The following UTRN variants were observed in gnomAD, a reference collection of about 807,000 sequenced individuals.
UTRN encodes dystrophin-related protein 1.
In UTRN, 283 loss-of-function variants were observed where a neutral mutation model predicts 463.9. The observed-to-expected ratio is 0.61, with a 90% CI of 0.55 to 0.67. The LOEUF is 0.67. Among genes scored for constraint, UTRN ranks in the 30% least tolerant of loss-of-function variants. The pLI is 0.00. For synonymous variants in UTRN, 1,442 were observed against 1,431.5 expected, an observed-to-expected ratio of 1.01 and a Z score of -0.17; for missense variants, 3,922 against 4,084.3, an observed-to-expected ratio of 0.96 and a Z score of 1.08.
intron 2 of UTRN, among the ~76,000 whole-genome samples, chr6:144,342,034 T>A (rs948389752): frequency 1.3e-5 from 2 of 152,240 alleles, no homozygotes; most frequent in African/African-American, 4.8e-5. Context: ...CTGTTCTGTA[T>A]TTTGAATATT....
chr6:144,539,332 C>A lies in UTRN; in HGVS notation c.6408C>A (p.Leu2136=). The A allele has an allele frequency of 6.2e-7, 1 of 1,612,650 alleles. No individual in the cohort carries two copies. The highest frequency in any genetic ancestry group is 1.1e-5 in the South Asian group (1 of 90,720). The change falls in exon 45 of 75, where the codon CTC becomes CTA. Residue 2136 remains leucine (L), a synonymous_variant. Coordinates refer to ENST00000367545, the MANE Select transcript of UTRN (RefSeq NM_007124.3). ...AAATGGAAGTACATGCTGAAAAACT[C>A]AAATGGCTGAATAGAACTGAATTGG... ...TQEMEVHAEK[L]KWLNRTELEM...
intron 65 of UTRN, 107 bp downstream of exon 65, chr6:144,803,254 T>G: frequency 1.5e-6 from 1 of 674,282 alleles, no homozygotes; most frequent in Non-Finnish European, 2.1e-6. Context: ...AAAATATCAC[T>G]TTGAAGATTT....
rs145041769 is a variant in UTRN, at chr6:144,459,343, A to G, written c.2696A>G (p.His899Arg). 4.1e-5 allele frequency: 66 copies of G among 1,593,902 alleles called. No individual in the cohort carries two copies. The highest frequency in any genetic ancestry group is 5.1e-5 in the Non-Finnish European group (60 of 1,170,806). The change falls in exon 21 of 75, where the codon CAT becomes CGT. Residue 899 changes from histidine to arginine, a missense_variant. Transcript: ENST00000367545. ...VQEAVEDRQQHLENELKGQPG... is the reference protein window; with the variant it reads ...VQEAVEDRQQRLENELKGQPG... Reference sequence around the variant, plus strand: ...GAGGCTGTAGAGGATCGTCAACAACATCTAGAGAATGGTAAACCCAACAAT... The same window carrying G: ...GAGGCTGTAGAGGATCGTCAACAACGTCTAGAGAATGGTAAACCCAACAAT...
intron 51 of UTRN, among the ~76,000 whole-genome samples, chr6:144,638,021 G>A (rs1054366820): frequency 3.3e-5 from 5 of 152,136 alleles, no homozygotes; most frequent in Non-Finnish European, 4.4e-5. Flanking sequence ...TAGACACTAC[G>A]CTGTATTTGT....
chr6:144,599,748 A>C (rs1038080868), intron 51 of UTRN, among the ~76,000 whole-genome samples: 5 of 152,174 alleles, frequency 3.3e-5, no homozygotes, highest in Admixed American at 3.3e-4. Context: ...AGAAGGGAAT[A>C]TTATTAATGT....
At chr6:144,389,897 C>G (rs1488278061) in intron 2 of UTRN, among the ~76,000 whole-genome samples, 2 of 152,200 alleles carry the variant, frequency 1.3e-5, no homozygotes, top group Non-Finnish European at 2.9e-5. Context: ...CTGTGCCCAG[C>G]CTTTCCTTCA....
chr6:144,344,140 C>G (rs1364288574), intron 2 of UTRN: 1 of 1,265,446 alleles, frequency 7.9e-7, no homozygotes, highest in Admixed American at 2.5e-5. Flanking sequence ...TCCCAGTGTG[C>G]AGTTCGAAGG....
At chr6:144,351,939 A>G (rs1380176383) in intron 2 of UTRN, among the ~76,000 whole-genome samples, 3 of 152,162 alleles carry the variant, frequency 2.0e-5, no homozygotes, top group Non-Finnish European at 4.4e-5. Context: ...CGACACTGCT[A>G]CTTTTCTCCT....
Position 144,592,767 on chromosome 6 carries a change from C to A in UTRN, c.7479+15479C>A, listed in dbSNP as rs539420825. Among the ~76,000 whole-genome samples, 9 of 152,236 alleles carry A rather than the reference C, an allele frequency of 5.9e-5. No homozygotes were observed. The South Asian group carries it at 1.9e-3, about 32-fold the overall frequency. On this transcript the variant is annotated intron_variant, in intron 51 of 74. Coordinates refer to ENST00000367545, the MANE Select transcript of UTRN (RefSeq NM_007124.3). ...GCTTGAATGCCTGATTTCTTGTATC[C>A]TCACAGACAATAGGCAATACCAATT...
intron 51 of UTRN, among the ~76,000 whole-genome samples, chr6:144,578,057 G>T (rs927565801): frequency 3.9e-5 from 6 of 152,154 alleles, no homozygotes; most frequent in Non-Finnish European, 8.8e-5. Flanking sequence ...ACAAAAATTA[G>T]TCGGGCGTGG....
intron 51 of UTRN, among the ~76,000 whole-genome samples, chr6:144,658,855 G>C (rs933667366): frequency 1.3e-5 from 2 of 152,168 alleles, no homozygotes; most frequent in Non-Finnish European, 2.9e-5. Context: ...CTTCCTGGAA[G>C]ATGGTGTTTC....
chr6:144,546,014 C>T (rs1798369217), intron 46 of UTRN, among the ~76,000 whole-genome samples: 1 of 152,190 alleles, frequency 6.6e-6, no homozygotes, highest in Admixed American at 6.5e-5. Context: ...CTTGCACACT[C>T]TCATGCCTGC....
intron 9 of UTRN, among the ~76,000 whole-genome samples, chr6:144,434,508 G>A (rs79667296): frequency 0.013 from 2,047 of 152,288 alleles, 41 homozygotes; most frequent in African/African-American, 0.046. Flanking sequence ...AGAAGTCTGA[G>A]GAGGAACAAG....
intron 52 of UTRN, among the ~76,000 whole-genome samples, chr6:144,696,304 A>T (rs1043371656): frequency 3.9e-5 from 6 of 152,080 alleles, no homozygotes; most frequent in African/African-American, 1.4e-4. Context: ...GATAGAAATT[A>T]TCTATATCTA....
Position 144,291,775 on chromosome 6 carries a change from G to C in UTRN, c.-54G>C, listed in dbSNP as rs1804271588. Reference sequence around the variant, plus strand: ...GCTGAACCATCGTAGGAAGTTGAAAGCCTTAGAAAGAGGACTTGGTAAAGT... The same window carrying C: ...GCTGAACCATCGTAGGAAGTTGAAACCCTTAGAAAGAGGACTTGGTAAAGT... On this transcript the variant is annotated 5_prime_UTR_variant, in exon 2 of 75. Transcript: ENST00000367545. 1.3e-6 allele frequency: 2 copies of C among 1,563,072 alleles called. No homozygotes were observed. The highest frequency in any genetic ancestry group is 1.7e-6 in the Non-Finnish European group (2 of 1,144,024).
intron 43 of UTRN, among the ~76,000 whole-genome samples, chr6:144,535,316 A>G (rs1464040722): frequency 6.6e-6 from 1 of 152,158 alleles, no homozygotes; most frequent in Admixed American, 6.5e-5. Flanking sequence ...CCTGGCCTCA[A>G]GTTGATCTGC....
At chr6:144,715,881 C>T (rs1786388874) in intron 53 of UTRN, among the ~76,000 whole-genome samples, 1 of 151,168 alleles carries the variant, frequency 6.6e-6, no homozygotes, top group Non-Finnish European at 1.5e-5. Context: ...CCTTTTGTCT[C>T]TTTATTTCTC....
At chr6:144,662,588 AG>A (rs571996433) in intron 51 of UTRN, among the ~76,000 whole-genome samples, 93 of 152,346 alleles carry the variant, frequency 6.1e-4, no homozygotes, top group Non-Finnish European at 1.0e-3. Flanking sequence ...TCTGAAGTTT[AG>A]GTGACCACAG....
chr6:144,446,125 G>C (rs1787672255), intron 14 of UTRN, among the ~76,000 whole-genome samples: 1 of 152,158 alleles, frequency 6.6e-6, no homozygotes, highest in Non-Finnish European at 1.5e-5. Context: ...TAAAGTAATT[G>C]CAAATTTGGA....
Sources: allele counts gnomAD v4.1 joint callset (sites outside exome capture counted in the v4.1 genomes callset), GRCh38; gene constraint gnomAD v4.1.1; transcripts MANE v1.5; gene names NCBI Gene and HGNC (gene_info 2026-07-23, HGNC 2026-07-21).